Variants in PIWIL2 observed in about 807,000 individuals in gnomAD.
PIWIL2 encodes piwi like RNA-mediated gene silencing 2, also known as piwi-like protein 2.
A neutral mutation model predicts 116.5 loss-of-function variants in PIWIL2; 81 were observed. That is an observed-to-expected ratio of 0.70 (90% CI 0.58 to 0.84). The LOEUF (loss-of-function observed/expected upper bound fraction) is 0.84, where lower values mean the gene tolerates loss of function less well. PIWIL2 is among the 40% of genes least tolerant of loss of function. The pLI is 0.00. For missense variants in PIWIL2, 1,272 were observed against 1,212.3 expected (o/e 1.05, Z -0.73); for synonymous variants, 489 against 429.5 (o/e 1.14, Z -1.71).
At chr8:22,341,861 A>G (rs1325926472) in intron 20 of PIWIL2, among the ~76,000 whole-genome samples, 1 of 152,112 alleles carries the variant, frequency 6.6e-6, no homozygotes, top group Non-Finnish European at 1.5e-5. Flanking sequence ...GTTTGCAGAT[A>G]GCATGATTGT....
intron 20 of PIWIL2, among the ~76,000 whole-genome samples, chr8:22,340,835 C>T (rs1209857502): frequency 1.3e-5 from 2 of 152,116 alleles, no homozygotes; most frequent in Non-Finnish European, 2.9e-5. Flanking sequence ...CCTCCGCCTC[C>T]CAAGTAGCTG....
At chr8:22,340,290 C>T (rs1181142456) in intron 20 of PIWIL2, among the ~76,000 whole-genome samples, 1 of 152,032 alleles carries the variant, frequency 6.6e-6, no homozygotes, top group Non-Finnish European at 1.5e-5. Context: ...CTCCCGACCT[C>T]GGGTGATCTG....
chr8:22,292,220 T>C (rs1469313564), intron 10 of PIWIL2, among the ~76,000 whole-genome samples: 1 of 152,188 alleles, frequency 6.6e-6, no homozygotes, highest in African/African-American at 2.4e-5. Flanking sequence ...GGTTTTAACT[T>C]TCACTGTGAG....
intron 22 of PIWIL2, among the ~76,000 whole-genome samples, chr8:22,354,963 G>A (rs781139440): frequency 2.6e-5 from 4 of 151,998 alleles, no homozygotes; most frequent in Admixed American, 6.5e-5. Flanking sequence ...CCAGCTACTC[G>A]GGAGGCTGAG....
At chr8:22,316,355 A>G (rs771438973) in intron 19 of PIWIL2, 22 bp downstream of exon 19, 2 of 1,428,404 alleles carry the variant, frequency 1.4e-6, no homozygotes, top group South Asian at 1.1e-5. Context: ...TCACAGTGCC[A>G]TCTTGTTTGA....
At chr8:22,355,073 A>T (rs541145398) in intron 22 of PIWIL2, among the ~76,000 whole-genome samples, 23 of 152,056 alleles carry the variant, frequency 1.5e-4, no homozygotes, top group African/African-American at 5.6e-4. Flanking sequence ...CTGTCAAAAA[A>T]AAAAAACAAA....
intron 20 of PIWIL2, among the ~76,000 whole-genome samples, chr8:22,351,440 C>CATACATATATATATATAT (rs1832353345): frequency 1.9e-5 from 1 of 52,932 alleles, no homozygotes; most frequent in African/African-American, 5.6e-5. Flanking sequence ...TGCATACATA[C>CATACATATATATATATAT]ATATATATAT....
intron 8 of PIWIL2, 52 bp downstream of exon 8, chr8:22,288,718 C>T (rs1830688971): frequency 1.3e-6 from 2 of 1,496,680 alleles, no homozygotes; most frequent in South Asian, 2.5e-5. Context: ...CTTGTATTTA[C>T]AGTAATGTTC....
intron 1 of PIWIL2, among the ~76,000 whole-genome samples, chr8:22,279,112 G>A (rs1199347348): frequency 6.6e-6 from 1 of 152,114 alleles, no homozygotes; most frequent in Non-Finnish European, 1.5e-5. Flanking sequence ...TTATCTTCCA[G>A]GAAACCAGTC....
chr8:22,311,670 A>G (rs140442106), intron 16 of PIWIL2, among the ~76,000 whole-genome samples: 2 of 152,310 alleles, frequency 1.3e-5, no homozygotes, highest in Non-Finnish European at 2.9e-5. Context: ...GTTCAAGATT[A>G]AAATTACTCT....
rs1188142921 is a variant in PIWIL2 at position 22,352,748 on chromosome 8, C to T, written c.2404-211C>T. The T allele has an allele frequency of 2.1e-5, 10 of 486,660 alleles. No individual in the cohort carries two copies. The East Asian group carries it at 2.9e-4, about 14-fold the overall frequency. 30.1% of individuals were successfully genotyped at this position (486,660 alleles called of 1,614,324 possible). ...GTTTTGCTTTCATGTTTTATAACAC[C>T]TTTGCTGCACCAGGCGTGTTTTACT... On this transcript the variant is annotated intron_variant, in intron 20 of 22. Coordinates refer to ENST00000356766, the MANE Select transcript of PIWIL2 (RefSeq NM_018068.5).
At chr8:22,310,553 C>T (rs771541469) in intron 15 of PIWIL2, among the ~76,000 whole-genome samples, 1 of 152,084 alleles carries the variant, frequency 6.6e-6, no homozygotes, top group Admixed American at 6.6e-5. Flanking sequence ...ATATAAAATG[C>T]ATGTTTTTAA....
In PIWIL2 at chr8:22,314,317, A is replaced by G. The variant is rs369565919; in HGVS notation, c.1990-11A>G. 7 of 1,471,252 alleles carry G rather than the reference A, an allele frequency of 4.8e-6. No homozygotes were observed. The highest frequency in any genetic ancestry group is 5.5e-6 in the Non-Finnish European group (6 of 1,086,382). 91.1% of individuals were successfully genotyped at this position (1,471,252 alleles called of 1,614,324 possible). ...CCACAGCCTGACTTGTATATACCTT[A>G]TCTCCTCAAGGGGAAGATACAGATG... On this transcript the variant is annotated splice_polypyrimidine_tract_variant and intron_variant, in intron 16 of 22. Transcript: ENST00000356766.
intron 20 of PIWIL2, among the ~76,000 whole-genome samples, chr8:22,344,535 A>T (rs1832181941): frequency 6.6e-6 from 1 of 152,122 alleles, no homozygotes; most frequent in African/African-American, 2.4e-5. Flanking sequence ...ACATACAGAC[A>T]CACAATGAGG....
In PIWIL2 at chr8:22,355,550, G is replaced by A. The variant is rs1282669154; in HGVS notation, c.*45G>A. 6 of 1,578,288 alleles carry A rather than the reference G, an allele frequency of 3.8e-6. No homozygotes were observed. In the Admixed American group the frequency reaches 8.6e-5, roughly 23 times the overall value. ...GCTGGTGAGAAGAAAGGCGGCCTCAGAACTCAGCTGTGACTCTTGCAGAAT... is the reference window on the plus strand; with the variant it reads ...GCTGGTGAGAAGAAAGGCGGCCTCAAAACTCAGCTGTGACTCTTGCAGAAT... On this transcript the variant is annotated 3_prime_UTR_variant, in exon 23 of 23. Transcript: ENST00000356766.
At chr8:22,287,084 CAAAA>C (rs775377576) in intron 6 of PIWIL2, among the ~76,000 whole-genome samples, 77 of 141,526 alleles carry the variant, frequency 5.4e-4, no homozygotes, top group African/African-American at 1.9e-3. Context: ...GACCCTATCT[CAAAA>C]AAAAAAAGGG....
chr8:22,315,219 C>A, intron 18 of PIWIL2, 74 bp downstream of exon 18: 2 of 836,512 alleles, frequency 2.4e-6, no homozygotes, highest in South Asian at 1.4e-5. Flanking sequence ...TTTCCTTATT[C>A]GTTATGCTTC....
intron 20 of PIWIL2, among the ~76,000 whole-genome samples, chr8:22,336,159 A>C (rs992849700): frequency 1.3e-5 from 2 of 152,216 alleles, no homozygotes; most frequent in African/African-American, 4.8e-5. Context: ...CCTAACAGAC[A>C]TCTATAAAAC....
At chr8:22,296,049 T>C in intron 10 of PIWIL2, among the ~76,000 whole-genome samples, 1 of 78,944 alleles carries the variant, frequency 1.3e-5, no homozygotes, top group Admixed American at 1.3e-4. Flanking sequence ...TTTTTTTTTT[T>C]TTTTTTTTTG....
Sources: gnomAD v4.1 joint callset for allele counts (sites outside exome capture counted in the v4.1 genomes callset) on GRCh38, gnomAD v4.1.1 for gene constraint, MANE v1.5 for transcripts, NCBI Gene and HGNC (gene_info 2026-07-23, HGNC 2026-07-21) for gene names.